Variants in GRM1 observed in about 807,000 individuals in gnomAD.
The protein encoded by GRM1 is glutamate metabotropic receptor 1.
GRM1 carries 33 observed loss-of-function variants against 90.9 expected under a neutral mutation model. The observed-to-expected ratio is 0.36, with a 90% CI of 0.28 to 0.49. The LOEUF (loss-of-function observed/expected upper bound fraction) is 0.49. Ranked by LOEUF, GRM1 falls within the 20% of genes least tolerant of loss-of-function variation. The pLI, the probability that GRM1 is intolerant of heterozygous loss-of-function variation, is 0.99. For missense variants in GRM1, 1,190 were observed against 1,534.3 expected (o/e 0.78, Z 3.75); for synonymous variants, 700 against 613.2 (o/e 1.14, Z -2.09).
intron 2 of GRM1, among the ~76,000 whole-genome samples, chr6:146,195,634 C>G (rs1779089438): frequency 6.6e-6 from 1 of 152,194 alleles, no homozygotes; most frequent in African/African-American, 2.4e-5. Context: ...AAACTAAATT[C>G]TCTAATACAA....
chr6:146,291,350 C>T (rs1004145594), intron 2 of GRM1, among the ~76,000 whole-genome samples: 3 of 150,604 alleles, frequency 2.0e-5, no homozygotes, highest in African/African-American at 7.3e-5. Flanking sequence ...ATCTTTTTGA[C>T]AGAAATATGT....
intron 2 of GRM1, among the ~76,000 whole-genome samples, chr6:146,278,873 T>A (rs745522608): frequency 6.6e-5 from 10 of 152,132 alleles, no homozygotes; most frequent in Non-Finnish European, 1.5e-4. Context: ...GCCCGGCTAA[T>A]TTTTTGTATT....
intron 2 of GRM1, among the ~76,000 whole-genome samples, chr6:146,283,703 A>G (rs1782662296): frequency 6.6e-6 from 1 of 152,120 alleles, no homozygotes; most frequent in South Asian, 2.1e-4. Context: ...AATATGTGAT[A>G]AATATATTAT....
intron 1 of GRM1, among the ~76,000 whole-genome samples, chr6:146,041,632 G>C (rs1437865749): frequency 6.6e-6 from 1 of 151,890 alleles, no homozygotes; most frequent in African/African-American, 2.4e-5. Flanking sequence ...CCTACAATGT[G>C]GTGCTGCTGA....
rs1347471393 is a variant in GRM1 at position 146,352,308 on chromosome 6, T to C, written c.1245T>C (p.Asn415=). The C allele has an allele frequency of 2.5e-6, 4 of 1,613,572 alleles. No homozygotes were observed. The East Asian group carries it at 8.9e-5, about 36-fold the overall frequency. ...VQDSKMGFVI[N]AIYAMAHGLQ... is the part of the protein sequence containing the mutation. ...ACAGTAAGATGGGGTTTGTCATCAA[T>C]GCCATCTATGCCATGGCACATGGGC... The change falls in exon 4 of 8, where the codon AAT becomes AAC. Residue 415 remains asparagine (N), a synonymous_variant. Coordinates refer to ENST00000282753, the MANE Select transcript of GRM1 (RefSeq NM_001278064.2).
intron 2 of GRM1, among the ~76,000 whole-genome samples, chr6:146,170,628 T>G (rs928458346): frequency 2.0e-5 from 3 of 152,188 alleles, no homozygotes; most frequent in Admixed American, 6.5e-5. Context: ...TTTTAATAAC[T>G]TCTGCCTTTT....
chr6:146,425,715 G>A (rs987853158), intron 7 of GRM1, among the ~76,000 whole-genome samples: 2 of 152,194 alleles, frequency 1.3e-5, no homozygotes, highest in Non-Finnish European at 2.9e-5. Flanking sequence ...TAAGCATCTT[G>A]TACCTGAAAT....
intron 1 of GRM1, among the ~76,000 whole-genome samples, chr6:146,107,511 G>A (rs1481979129): frequency 6.6e-6 from 1 of 152,080 alleles, no homozygotes; most frequent in African/African-American, 2.4e-5. Context: ...TGAGGTGGCT[G>A]TTCTTACTGG....
chr6:146,046,221 G>A (rs1475753597), intron 1 of GRM1, among the ~76,000 whole-genome samples: 3 of 151,920 alleles, frequency 2.0e-5, no homozygotes, highest in African/African-American at 7.3e-5. Flanking sequence ...TTCTACTATA[G>A]CTTGTATTGT....
chr6:146,053,523 G>C (rs372663189), intron 1 of GRM1, among the ~76,000 whole-genome samples: 1 of 151,996 alleles, frequency 6.6e-6, no homozygotes, highest in East Asian at 1.9e-4. Flanking sequence ...TTGCAGATGA[G>C]GAAGTTAAAA....
intron 1 of GRM1, among the ~76,000 whole-genome samples, chr6:146,081,842 A>G (rs1259628005): frequency 6.6e-6 from 1 of 152,200 alleles, no homozygotes; most frequent in Non-Finnish European, 1.5e-5. Context: ...AGAATTTAAT[A>G]ATAACTATAC....
chr6:146,426,708 A>T, intron 7 of GRM1: 2 of 778,088 alleles, frequency 2.6e-6, no homozygotes, highest in Non-Finnish European at 4.5e-6. Context: ...GGGTTTTTCC[A>T]CTTTCTAACA....
intron 3 of GRM1, among the ~76,000 whole-genome samples, chr6:146,341,265 G>A (rs1393614440): frequency 1.3e-5 from 2 of 152,134 alleles, no homozygotes; most frequent in Non-Finnish European, 2.9e-5. Flanking sequence ...GTGGTTAGCA[G>A]TATGTTAAGA....
chr6:146,309,699 T>A (rs1783710640), intron 3 of GRM1, among the ~76,000 whole-genome samples: 1 of 152,084 alleles, frequency 6.6e-6, no homozygotes, highest in Non-Finnish European at 1.5e-5. Flanking sequence ...TAATTTTCCT[T>A]CTTACATAAA....
chr6:146,055,751 A>G (rs1231238703), intron 1 of GRM1, among the ~76,000 whole-genome samples: 4 of 152,184 alleles, frequency 2.6e-5, no homozygotes, highest in African/African-American at 9.6e-5. Context: ...CAAATGGAAT[A>G]TAAATGATTG....
intron 3 of GRM1, among the ~76,000 whole-genome samples, chr6:146,341,347 G>A (rs1217096948): frequency 2.0e-5 from 3 of 152,182 alleles, no homozygotes; most frequent in African/African-American, 7.2e-5. Context: ...TACATACAGC[G>A]AAGCGGTAGA....
chr6:146,094,578 T>C (rs1203310969), intron 1 of GRM1, among the ~76,000 whole-genome samples: 1 of 152,148 alleles, frequency 6.6e-6, no homozygotes. Flanking sequence ...TTCCTTAGGT[T>C]ACCCTGTGTA....
chr6:146,413,808 A>G (rs1777659701), intron 7 of GRM1, among the ~76,000 whole-genome samples: 2 of 152,204 alleles, frequency 1.3e-5, no homozygotes, highest in Non-Finnish European at 2.9e-5. Context: ...ACTTAATAAA[A>G]ATGAAATCAT....
At chr6:146,376,626 T>C (rs1030752448) in intron 5 of GRM1, among the ~76,000 whole-genome samples, 1 of 152,138 alleles carries the variant, frequency 6.6e-6, no homozygotes, top group East Asian at 1.9e-4. Flanking sequence ...CTGTAAAGTT[T>C]CCACTGAGGA....
Sources: allele counts gnomAD v4.1 joint callset (sites outside exome capture counted in the v4.1 genomes callset), GRCh38; gene constraint gnomAD v4.1.1; transcripts MANE v1.5; gene names NCBI Gene and HGNC (gene_info 2026-07-23, HGNC 2026-07-21).